Variants in LDLRAD4 observed in about 807,000 individuals in gnomAD.
LDLRAD4 encodes low density lipoprotein receptor class A domain containing 4, also known as low-density lipoprotein receptor class A domain-containing protein 4.
In LDLRAD4, 5 loss-of-function variants were observed where a neutral mutation model predicts 17.0. That is an observed-to-expected ratio of 0.29 (90% confidence interval 0.15 to 0.62). LDLRAD4 has a LOEUF of 0.62. Ranked by LOEUF, LDLRAD4 falls within the 20% of genes least tolerant of loss-of-function variation. The pLI is 0.84. For missense variants in LDLRAD4, 340 were observed against 424.7 expected, an observed-to-expected ratio of 0.80 and a Z score of 1.75; for synonymous variants, 168 against 171.8, an observed-to-expected ratio of 0.98 and a Z score of 0.17.
At chr18:13,451,212 T>C (rs2091813561) in intron 3 of LDLRAD4, among the ~76,000 whole-genome samples, 1 of 152,194 alleles carries the variant, frequency 6.6e-6, no homozygotes, top group African/African-American at 2.4e-5. Context: ...TAGACTGTGA[T>C]ATGGTTTGGC....
intron 4 of LDLRAD4, among the ~76,000 whole-genome samples, chr18:13,638,347 C>T (rs1049566001): frequency 6.6e-6 from 1 of 152,204 alleles, no homozygotes; most frequent in Admixed American, 6.5e-5. Context: ...CAATGGCTAC[C>T]TACCTCAGAG....
chr18:13,600,431 G>C (rs1199130489), intron 3 of LDLRAD4, among the ~76,000 whole-genome samples: 1 of 152,198 alleles, frequency 6.6e-6, no homozygotes, highest in Non-Finnish European at 1.5e-5. Context: ...CTTTCAGCTA[G>C]CAGGACAGGT....
chr18:13,394,365 AC>A (rs1320098487), intron 2 of LDLRAD4, among the ~76,000 whole-genome samples: 1 of 152,140 alleles, frequency 6.6e-6, no homozygotes, highest in Non-Finnish European at 1.5e-5. Context: ...ATGTGTACTT[AC>A]CCTTTTAAAT....
At chr18:13,438,140 C>A in intron 2 of LDLRAD4, 104 bp from the exon 4 acceptor site, 1 of 1,044,796 alleles carries the variant, frequency 9.6e-7, no homozygotes, top group Non-Finnish European at 1.5e-6. Flanking sequence ...AGCTCCCAAA[C>A]AATCATGGCA....
At chr18:13,494,155 A>G (rs2093413860) in intron 3 of LDLRAD4, among the ~76,000 whole-genome samples, 1 of 152,088 alleles carries the variant, frequency 6.6e-6, no homozygotes, top group African/African-American at 2.4e-5. Flanking sequence ...ATCATGGTTG[A>G]CAGGTGGAAA....
At position 13,298,450 on chromosome 18, in the gene LDLRAD4, A is replaced by C. The variant is rs190649223; in HGVS notation, c.-383+20262A>C. 4.9e-3 allele frequency among the ~76,000 whole-genome samples: 368 copies of C among 75,368 alleles called. 4 individuals carry two copies. The highest frequency in any genetic ancestry group is 0.049 in the Admixed American group (330 of 6,774). 49.4% of individuals were successfully genotyped at this position (75,368 alleles called of 152,430 possible). ...GTGATGGAGCTGCTCCGGGCACGGCAATTTTGCTGCTCTGGGCACGGTGAT... is the reference window on the plus strand; with the variant it reads ...GTGATGGAGCTGCTCCGGGCACGGCCATTTTGCTGCTCTGGGCACGGTGAT... On this transcript the variant is annotated intron_variant, in intron 1 of 5. Coordinates refer to ENST00000359446, the Ensembl canonical transcript of LDLRAD4.
At chr18:13,500,672 T>C (rs987484838) in intron 3 of LDLRAD4, 8 of 152,162 alleles carry the variant, frequency 5.3e-5, no homozygotes, top group Non-Finnish European at 1.2e-4. Context: ...CAGAGCCTCG[T>C]TGAGTAACAA....
intron 2 of LDLRAD4, among the ~76,000 whole-genome samples, chr18:13,427,152 C>T (rs2089999648): frequency 6.6e-6 from 1 of 152,130 alleles, no homozygotes; most frequent in African/African-American, 2.4e-5. Flanking sequence ...CGCCACTGCA[C>T]TCCAGCCTGG....
intron 1 of LDLRAD4, among the ~76,000 whole-genome samples, chr18:13,252,855 CG>C (rs1567935548): frequency 6.6e-6 from 1 of 152,236 alleles, no homozygotes; most frequent in East Asian, 1.9e-4. Flanking sequence ...AGCAGTGTTG[CG>C]CTGTTCCTAG....
intron 3 of LDLRAD4, among the ~76,000 whole-genome samples, chr18:13,451,633 A>C (rs1204103633): frequency 6.6e-6 from 1 of 152,182 alleles, no homozygotes; most frequent in African/African-American, 2.4e-5. Flanking sequence ...AACAATCAAA[A>C]TGTGCATCTT....
chr18:13,510,456 G>C (rs2093759775), intron 3 of LDLRAD4, among the ~76,000 whole-genome samples: 1 of 151,582 alleles, frequency 6.6e-6, no homozygotes, highest in African/African-American at 2.4e-5. Context: ...TTTAGAGAGA[G>C]TTCCAAAGAG....
At position 13,367,115 on chromosome 18, in the gene LDLRAD4, G is replaced by A. The variant is rs1343751418; in HGVS notation, c.-382-20226G>A. Among the ~76,000 whole-genome samples, 1 of 152,200 alleles carries A rather than the reference G, an allele frequency of 6.6e-6. No homozygotes were observed. The highest frequency in any genetic ancestry group is 2.4e-5 in the African/African-American group (1 of 41,454). ...GCCCACAGCGAGATGCAAACTGGGT[G>A]TCACACAGAACAGTCCTGTTGCTGT... is the stretch of plus-strand genomic sequence containing the variant. On this transcript the variant is annotated intron_variant, in intron 1 of 5. Coordinates refer to ENST00000359446, the Ensembl canonical transcript of LDLRAD4. This position sits in a 1 kb window ranked among gnomAD's most constrained non-coding sequence, Gnocchi z 4.1.
intron 1 of LDLRAD4, among the ~76,000 whole-genome samples, chr18:13,353,762 G>A (rs549873063): frequency 1.3e-3 from 197 of 152,348 alleles, no homozygotes; most frequent in African/African-American, 4.4e-3. Context: ...GGCTACACCA[G>A]GCTGGGAAGT....
chr18:13,273,362 G>A (rs2044672303), upstream of LDLRAD4, among the ~76,000 whole-genome samples: 1 of 152,160 alleles, frequency 6.6e-6, no homozygotes, highest in African/African-American at 2.4e-5. Context: ...GTGCAGTGGT[G>A]TGATCATAGC....
At chr18:13,486,467 A>G (rs2093225014) in intron 3 of LDLRAD4, 1 of 152,262 alleles carries the variant, frequency 6.6e-6, no homozygotes, top group South Asian at 2.1e-4. Context: ...ATCAGAAGGG[A>G]ATCTGGTGAT....
At chr18:13,627,424 G>C (rs556920477) in intron 4 of LDLRAD4, among the ~76,000 whole-genome samples, 1 of 152,146 alleles carries the variant, frequency 6.6e-6, no homozygotes, top group Non-Finnish European at 1.5e-5. Context: ...CCTGTCTCTC[G>C]CTGGGGACCC....
chr18:13,322,375 C>T (rs2081302648), intron 1 of LDLRAD4, among the ~76,000 whole-genome samples: 1 of 146,084 alleles, frequency 6.8e-6, no homozygotes, highest in Non-Finnish European at 1.5e-5. Flanking sequence ...TCTTGGCTCA[C>T]TGCAACCTCC....
intron 4 of LDLRAD4, chr18:13,641,869 G>A (rs1430450635): frequency 1.3e-5 from 13 of 985,374 alleles, no homozygotes; most frequent in Non-Finnish European, 1.4e-5. Context: ...ACGTTTTCAG[G>A]AACCGCTCAG....
upstream of LDLRAD4, chr18:13,218,215 G>C (rs1299070079): frequency 6.6e-6 from 1 of 152,266 alleles, no homozygotes; most frequent in African/African-American, 2.4e-5. Flanking sequence ...CTGGACGTCC[G>C]CGAGCCTGCG....
Sources: gnomAD v4.1 joint callset for allele counts (sites outside exome capture counted in the v4.1 genomes callset) on GRCh38, gnomAD v4.1.1 for gene constraint, Gnocchi (gnomAD v3.1) non-coding constraint, MANE v1.5 for transcripts, NCBI Gene and HGNC (gene_info 2026-07-23, HGNC 2026-07-21) for gene names.